Variants in C3 observed in about 807,000 individuals in gnomAD.
C3 encodes the protein complement C3.
A neutral mutation model predicts 207.9 loss-of-function variants in C3; 97 were observed. The ratio of observed to expected loss-of-function variants is 0.47; its 90% CI spans 0.40 to 0.55. The LOEUF is 0.55. C3 is among the 20% of genes least tolerant of loss of function. The pLI is 0.00. For synonymous variants in C3, 848 were observed against 857.6 expected (o/e 0.99, Z 0.20); for missense variants, 1,684 against 2,171.7 (o/e 0.78, Z 4.46).
At chr19:6,713,350 G>A (rs781092523) in intron 8 of C3, 35 bp from the exon 9 acceptor site, 33 of 1,613,722 alleles carry the variant, frequency 2.0e-5, no homozygotes, top group Non-Finnish European at 2.6e-5. Flanking sequence ...AGAGGGGAGC[G>A]GGCTCAGAGG....
Position 6,711,203 on chromosome 19 carries a change from G to A in C3, c.1270-7C>T. ...CCTGCTTCTTCGTGCGCACCTGGGT[G>A]GGGAAAGAGGGATGCCTGCTGGTCG... On this transcript the variant is annotated splice_region_variant and splice_polypyrimidine_tract_variant and intron_variant, in intron 11 of 40. Coordinates refer to ENST00000245907, the MANE Select transcript of C3 (RefSeq NM_000064.4). The A allele has an allele frequency of 1.9e-6, 3 of 1,610,308 alleles. No individual in the cohort carries two copies. Among genetic ancestry groups the A allele is most frequent in the South Asian group, 2.2e-5 (2 of 91,040 alleles).
intron 11 of C3, 42 bp downstream of exon 11, chr19:6,712,215 G>A (rs774712233): frequency 3.7e-5 from 59 of 1,611,306 alleles, no homozygotes; most frequent in East Asian, 4.5e-5. Context: ...CCCCTGTACC[G>A]TCTTCCCAGT....
chr19:6,689,360 C>CT (rs1555684220), intron 27 of C3, among the ~76,000 whole-genome samples: 1,049 of 16,394 alleles, frequency 0.064, 87 homozygotes, highest in Admixed American at 0.096. Flanking sequence ...TCCCTCCCTC[C>CT]CTCTCTCTCT....
chr19:6,679,061 C>T, intron 38 of C3, 64 bp downstream of exon 38: 1 of 1,278,148 alleles, frequency 7.8e-7, no homozygotes, highest in Non-Finnish European at 1.1e-6. Context: ...CCACACCTAC[C>T]ACCCACCACA....
At chr19:6,706,977 G>GCCCC in intron 17 of C3, 99 bp downstream of exon 17, 12 of 442,676 alleles carry the variant, frequency 2.7e-5, no homozygotes, top group South Asian at 1.2e-4. Flanking sequence ...GCCTCCTCCA[G>GCCCC]CCCCACCCCC....
Position 6,702,146 on chromosome 19 carries a change from C to G in C3, c.2421G>C (p.Val807=), listed in dbSNP as rs428453. 1,018,866 of 1,595,750 alleles carry G rather than the reference C, an allele frequency of 0.64. 329,713 individuals are homozygous for G. The highest frequency in any genetic ancestry group is 0.86 in the East Asian group (38,635 of 44,786). ...DSITTWEILA[V]SMSDKKGICV... Reference sequence around the variant, plus strand: ...TCTCACCTTTCTTGTCCGACATGCTCACAGCCAGAATCTCCCACGTGGTGA... The same window carrying G: ...TCTCACCTTTCTTGTCCGACATGCTGACAGCCAGAATCTCCCACGTGGTGA... The change falls in exon 19 of 41, where the codon GTG becomes GTC. Residue 807 remains valine, a synonymous_variant. Transcript: ENST00000245907.
Position 6,694,388 on chromosome 19 carries a change from G to A in C3, c.3154+43C>T, listed in dbSNP as rs385791. The A allele has an allele frequency of 0.025, 39,197 of 1,579,804 alleles. 855 individuals are homozygous for A. The highest frequency in any genetic ancestry group is 0.11 in the African/African-American group (8,037 of 74,364). The stretch of plus-strand genomic sequence containing the variant: ...GGGATCTTAGGGGAGGGATGCGCTC[G>A]GAAAGGGGTCCCTGGGGTCTCCAAG... On this transcript the variant is annotated intron_variant, in intron 24 of 40. Transcript: ENST00000245907.
At chr19:6,716,069 T>A (rs1314677871) in intron 4 of C3, among the ~76,000 whole-genome samples, 1 of 152,198 alleles carries the variant, frequency 6.6e-6, no homozygotes, top group Non-Finnish European at 1.5e-5. Context: ...ACAGACCACA[T>A]CAATCCCTAA....
intron 35 of C3, among the ~76,000 whole-genome samples, chr19:6,681,360 A>AAAAT (rs1555683433): frequency 7.5e-5 from 11 of 147,564 alleles, no homozygotes; most frequent in Admixed American, 6.0e-4. Context: ...AAAAAAAAAA[A>AAAAT]GCTGGGTACA....
chr19:6,694,754 C>G (rs1306864396), intron 23 of C3, 120 bp from the exon 24 acceptor site: 1 of 862,618 alleles, frequency 1.2e-6, no homozygotes. Context: ...CAGGCGAGGA[C>G]TGGGGAGGAT....
intron 23 of C3, 27 bp downstream of exon 23, chr19:6,696,352 A>G (rs1967533664): frequency 2.0e-6 from 3 of 1,523,230 alleles, no homozygotes; most frequent in Non-Finnish European, 2.7e-6. Flanking sequence ...CCTGGGACCC[A>G]TGGGGTCGGG....
intron 19 of C3, among the ~76,000 whole-genome samples, chr19:6,701,646 G>C (rs760533794): frequency 6.6e-6 from 1 of 151,918 alleles, no homozygotes; most frequent in African/African-American, 2.4e-5. Context: ...TCAGCCTCCC[G>C]AGTAGCTGGG....
chr19:6,689,365 CT>C lies in C3; in HGVS notation c.3489+1263del, dbSNP rs1378524574. Among the ~76,000 whole-genome samples, 22 of 129,352 alleles carry C rather than the reference CT, an allele frequency of 1.7e-4. 1 individual carries two copies. The highest frequency in any genetic ancestry group is 1.2e-3 in the East Asian group (5 of 4,100). 84.9% of individuals were successfully genotyped at this position (129,352 alleles called of 152,430 possible). A position where few individuals can be genotyped will look rare whatever the true frequency, so the allele number is the denominator to read the frequency against. ...CCTCCCTCCCTCCCTCCCTCCCTCTCTCTCTCTCTCTCTCTCTCTCTCTGCC... is the reference window on the plus strand; with the variant it reads ...CCTCCCTCCCTCCCTCCCTCCCTCTCCTCTCTCTCTCTCTCTCTCTCTGCC... On this transcript the variant is annotated intron_variant, in intron 27 of 40. Coordinates refer to ENST00000245907, the MANE Select transcript of C3 (RefSeq NM_000064.4).
chr19:6,709,748 A>G lies in C3; in HGVS notation c.1781T>C (p.Val594Ala), dbSNP rs763314761. ...CACGCCCTTGTCCACGGCCACCAGT[A>G]CCACCCGGGCCCCGTGGTCACCCTC... ...KIEGDHGARV[V>A]LVAVDKGVFV... Residue 594 changes from valine (V) to alanine (A), a missense_variant, in exon 14 of 41, where the codon GTA (valine) becomes GCA (alanine). Transcript: ENST00000245907. The G allele has an allele frequency of 1.2e-6, 2 of 1,613,854 alleles. No individual in the cohort carries two copies. The highest frequency in any genetic ancestry group is 1.7e-6 in the Non-Finnish European group (2 of 1,180,004).
In C3 at chr19:6,700,301, CAA is replaced by C. The variant is rs36168646; in HGVS notation, c.2440+1824_2440+1825del. ...TATAACATATTATATATGTGATATG[CAA>C]TATATATTATATGTAATATAACATA... On this transcript the variant is annotated intron_variant, in intron 19 of 40. Transcript: ENST00000245907. Among the ~76,000 whole-genome samples, 48 of 14,708 alleles carry C rather than the reference CAA, an allele frequency of 3.3e-3. 23 individuals are homozygous for C. Among genetic ancestry groups the C allele is most frequent in the African/African-American group, 0.016 (46 of 2,888 alleles). 9.6% of individuals were successfully genotyped at this position (14,708 alleles called of 152,430 possible).
At chr19:6,686,952 G>A (rs140571518) in intron 27 of C3, 50 bp from the exon 28 acceptor site, 98 of 1,578,742 alleles carry the variant, frequency 6.2e-5, no homozygotes, top group African/African-American at 3.4e-4. Flanking sequence ...TTGCTGTCAC[G>A]TTAGTAAGGA....
At chr19:6,699,985 TTA>T (rs1967609128) in intron 19 of C3, among the ~76,000 whole-genome samples, 2 of 148,848 alleles carry the variant, frequency 1.3e-5, no homozygotes, top group Admixed American at 6.7e-5. Flanking sequence ...AAAATATACA[TTA>T]TATATGTTAA....
In C3 at chr19:6,693,071, G is replaced by A. The variant is rs562241373; in HGVS notation, c.3243C>T (p.Tyr1081=). The A allele has an allele frequency of 1.2e-5, 19 of 1,614,024 alleles. No individual in the cohort carries two copies. The South Asian group carries it at 1.3e-4, about 11-fold the overall frequency. The change falls in exon 26 of 41, where the codon TAC becomes TAT. Residue 1081 remains tyrosine (Y), a synonymous_variant. Coordinates refer to ENST00000245907, the MANE Select transcript of C3 (RefSeq NM_000064.4). ...KRAPSTWLTA[Y]VVKVFSLAVN... is the part of the protein sequence containing the mutation. ...CAGCCAGAGAGAAGACCTTGACCAC[G>A]TAGGCGGTCAGCCTGGAGTGGGCAC...
At chr19:6,691,827 A>G (rs1425706122) in intron 26 of C3, among the ~76,000 whole-genome samples, 24 of 152,134 alleles carry the variant, frequency 1.6e-4, no homozygotes, top group Non-Finnish European at 1.5e-5. Flanking sequence ...TCTACTAAAA[A>G]TACAAAAATC....
Sources: allele counts gnomAD v4.1 joint callset (sites outside exome capture counted in the v4.1 genomes callset), GRCh38; gene constraint gnomAD v4.1.1; transcripts MANE v1.5; gene names NCBI Gene and HGNC (gene_info 2026-07-23, HGNC 2026-07-21).